DLG2: variants seen among roughly 807,000 people sequenced by gnomAD.
DLG2 encodes disks large homolog 2.
DLG2 carries 45 observed loss-of-function variants against 132.5 expected under a neutral mutation model. The observed-to-expected ratio is 0.34, with a 90% confidence interval of 0.27 to 0.44. The LOEUF (loss-of-function observed/expected upper bound fraction) is 0.44, where lower values mean the gene tolerates loss of function less well. DLG2 is among the 20% of genes least tolerant of loss of function. The probability of loss-of-function intolerance (pLI) is 1.00; values close to 1 mark genes in which losing one functional copy is unlikely to be tolerated. For synonymous variants in DLG2, 424 were observed against 419.6 expected, an observed-to-expected ratio of 1.01 and a Z score of -0.13; for missense variants, 1,045 against 1,196.9, an observed-to-expected ratio of 0.87 and a Z score of 1.87.
intron 6 of DLG2, among the ~76,000 whole-genome samples, chr11:84,793,869 T>C (rs1438784561): frequency 6.6e-6 from 1 of 152,236 alleles, no homozygotes; most frequent in East Asian, 1.9e-4. Flanking sequence ...TGTCTTTTCA[T>C]TGGAAAGCTT....
intron 7 of DLG2, among the ~76,000 whole-genome samples, chr11:84,308,533 TC>T (rs1387911828): frequency 1.3e-5 from 2 of 152,230 alleles, no homozygotes; most frequent in East Asian, 3.9e-4. Flanking sequence ...TGCCTGCCAG[TC>T]CCCCGCCGTG....
In DLG2 at chr11:84,310,403, A is replaced by G. The variant is rs1299849624; in HGVS notation, c.520-59112T>C. 2.6e-5 allele frequency among the ~76,000 whole-genome samples: 4 copies of G among 152,198 alleles called. No homozygotes were observed. The East Asian group carries it at 5.8e-4, about 22-fold the overall frequency. ...ATTGGGAAAATTGAAGGAAATGACT[A>G]ATGTCATTTCCTAGCACAGTGTCTC... On this transcript the variant is annotated intron_variant, in intron 7 of 27. Coordinates refer to ENST00000376104, the MANE Select transcript of DLG2 (RefSeq NM_001142699.3).
At chr11:83,633,719 G>A (rs1042443610) in intron 18 of DLG2, among the ~76,000 whole-genome samples, 10 of 145,910 alleles carry the variant, frequency 6.9e-5, no homozygotes, top group Non-Finnish European at 1.0e-4. Flanking sequence ...GTAACTGCAC[G>A]TGTGATAAAA....
intron 15 of DLG2, among the ~76,000 whole-genome samples, chr11:83,906,053 G>A (rs1056601020): frequency 7.8e-6 from 1 of 128,804 alleles, no homozygotes; most frequent in Admixed American, 8.1e-5. Flanking sequence ...CTGTCTGTCT[G>A]TCTCTCTCTC....
chr11:84,522,987 A>T (rs903188152), intron 7 of DLG2, among the ~76,000 whole-genome samples: 2 of 152,214 alleles, frequency 1.3e-5, no homozygotes, highest in East Asian at 3.8e-4. Flanking sequence ...GCTAACCAAC[A>T]TGACATTCAC....
intron 5 of DLG2, among the ~76,000 whole-genome samples, chr11:85,153,669 T>C (rs2077410519): frequency 6.6e-6 from 1 of 152,192 alleles, no homozygotes; most frequent in Non-Finnish European, 1.5e-5. Context: ...ATGAAGTATT[T>C]ATTCCTCATT....
intron 10 of DLG2, among the ~76,000 whole-genome samples, chr11:84,076,935 G>A (rs1250189816): frequency 6.6e-6 from 1 of 152,052 alleles, no homozygotes; most frequent in South Asian, 2.1e-4. Context: ...CAAACCCACC[G>A]TCTCCTTTCT....
intron 6 of DLG2, among the ~76,000 whole-genome samples, chr11:84,922,345 G>A (rs532206182): frequency 1.3e-5 from 2 of 152,252 alleles, no homozygotes; most frequent in South Asian, 2.1e-4. Flanking sequence ...TTCCACAGCT[G>A]GTCTGGCCGG....
intron 3 of DLG2, among the ~76,000 whole-genome samples, chr11:85,408,846 A>G (rs972553534): frequency 4.6e-5 from 7 of 151,516 alleles, no homozygotes; most frequent in East Asian, 3.9e-4. Context: ...GAATAATGCC[A>G]CAATAAACAT....
At chr11:85,468,608 G>A (rs562190017) in intron 3 of DLG2, among the ~76,000 whole-genome samples, 24 of 152,298 alleles carry the variant, frequency 1.6e-4, no homozygotes, top group African/African-American at 4.6e-4. Context: ...CAGTTTCCAT[G>A]TAGTTGAGCG....
intron 19 of DLG2, among the ~76,000 whole-genome samples, chr11:83,558,848 CGTGTGTGTGTGTGT>C (rs3039336): frequency 1.5e-4 from 22 of 142,338 alleles, no homozygotes; most frequent in East Asian, 6.3e-4. Flanking sequence ...TGCTAGATGT[CGTGTGTGTGTGTGT>C]GTGTGTGTGT....
intron 11 of DLG2, among the ~76,000 whole-genome samples, chr11:84,042,946 T>C (rs550992271): frequency 6.6e-6 from 1 of 151,836 alleles, no homozygotes; most frequent in South Asian, 2.1e-4. Flanking sequence ...CTTTTAAAAG[T>C]GTATTCTTAA....
chr11:85,090,802 G>C (rs1295671539), intron 6 of DLG2, among the ~76,000 whole-genome samples: 1 of 152,102 alleles, frequency 6.6e-6, no homozygotes, highest in East Asian at 1.9e-4. Flanking sequence ...CATTTGTGTT[G>C]TTACAAAGAT....
intron 19 of DLG2, among the ~76,000 whole-genome samples, chr11:83,619,438 T>C (rs1391541463): frequency 1.3e-5 from 2 of 152,244 alleles, no homozygotes; most frequent in African/African-American, 4.8e-5. Context: ...GTATTTGGCA[T>C]AGGACAGAAT....
chr11:85,509,462 G>C (rs574081679), intron 3 of DLG2, among the ~76,000 whole-genome samples: 2 of 151,998 alleles, frequency 1.3e-5, no homozygotes, highest in Non-Finnish European at 2.9e-5. Context: ...GCTTGCAGAG[G>C]AGAGCAAGCA....
intron 3 of DLG2, among the ~76,000 whole-genome samples, chr11:85,339,129 T>A (rs1215910339): frequency 1.3e-5 from 2 of 152,210 alleles, no homozygotes; most frequent in African/African-American, 4.8e-5. Flanking sequence ...TTTTGAGCTT[T>A]GCTTTTTTTA....
chr11:84,832,692 A>T (rs2079195804), intron 6 of DLG2, among the ~76,000 whole-genome samples: 1 of 151,684 alleles, frequency 6.6e-6, no homozygotes, highest in Non-Finnish European at 1.5e-5. Flanking sequence ...GAATCACAGT[A>T]CTTGACTGTA....
In DLG2 at chr11:84,627,560, G is replaced by A. The variant is rs187288724; in HGVS notation, c.358-92829C>T. ...GCTTGTACCCAAAAGTAGAAGCACA[G>A]GCTGTGGAGAAAGATAAACCTGAGT... is the stretch of plus-strand genomic sequence containing the variant. On this transcript the variant is annotated intron_variant, in intron 6 of 27. Transcript: ENST00000376104. Among the ~76,000 whole-genome samples the A allele has an allele frequency of 2.6e-5, 4 of 152,358 alleles. No individual in the cohort carries two copies. The East Asian group carries it at 7.7e-4, about 29-fold the overall frequency.
At chr11:83,528,503 G>A (rs985082241) in intron 21 of DLG2, among the ~76,000 whole-genome samples, 3 of 151,860 alleles carry the variant, frequency 2.0e-5, no homozygotes, top group Non-Finnish European at 2.9e-5. Flanking sequence ...TCCTATGTAT[G>A]TGGCAAACTC....
Sources: allele counts gnomAD v4.1 joint callset (sites outside exome capture counted in the v4.1 genomes callset), GRCh38; gene constraint gnomAD v4.1.1; transcripts MANE v1.5; gene names NCBI Gene and HGNC (gene_info 2026-07-23, HGNC 2026-07-21).